Variants in OR2L13 observed in about 807,000 individuals in gnomAD.
OR2L13 encodes olfactory receptor family 2 subfamily L member 13, also known as olfactory receptor 2L13.
In OR2L13, 14 loss-of-function variants were observed where a neutral mutation model predicts 15.3. The ratio of observed to expected loss-of-function variants is 0.91; its 90% CI spans 0.60 to 1.43. The LOEUF (loss-of-function observed/expected upper bound fraction) is 1.43. Among genes scored for constraint, OR2L13 ranks in the 40% most tolerant of loss-of-function variants. The pLI, the probability that OR2L13 is intolerant of heterozygous loss-of-function variation, is 0.00. For synonymous variants in OR2L13, 152 were observed against 142.9 expected (o/e 1.06, Z -0.45); for missense variants, 367 against 387.9 (o/e 0.95, Z 0.45).
chr1:247,961,204 A>G, the OR2L13 span, among the ~76,000 whole-genome samples: 1 of 152,226 alleles, frequency 6.6e-6, no homozygotes, highest in Non-Finnish European at 1.5e-5. Context: ...CACAATGCCC[A>G]ATATGAGCCT....
chr1:248,022,144 C>T, the OR2L13 span: 1 of 1,613,964 alleles, frequency 6.2e-7, no homozygotes, highest in Non-Finnish European at 8.5e-7. Context: ...AGTCAGCTCT[C>T]CCTCATTGAC....
the OR2L13 span, among the ~76,000 whole-genome samples, chr1:248,035,387 T>C: frequency 3.3e-5 from 5 of 151,994 alleles, no homozygotes; most frequent in African/African-American, 9.7e-5. Flanking sequence ...AGGCGGAGCT[T>C]GCAGTGAGCC....
chr1:247,993,694 CAGCTA>C, the OR2L13 span, among the ~76,000 whole-genome samples: 47 of 148,898 alleles, frequency 3.2e-4, no homozygotes, highest in African/African-American at 1.2e-3. Flanking sequence ...CTTGATTCCT[CAGCTA>C]AGCCAACAAA....
At chr1:248,017,231 T>C in the OR2L13 span, among the ~76,000 whole-genome samples, 1 of 152,182 alleles carries the variant, frequency 6.6e-6, no homozygotes, top group Admixed American at 6.5e-5. Flanking sequence ...ATTCTGTGGA[T>C]AAAAAATTAA....
chr1:247,976,167 C>T, the OR2L13 span, among the ~76,000 whole-genome samples: 3 of 151,944 alleles, frequency 2.0e-5, no homozygotes, highest in Admixed American at 6.6e-5. Flanking sequence ...TTTAGAAAAA[C>T]AAGAGTTTCT....
the OR2L13 span, chr1:248,038,760 A>G: frequency 3.1e-6 from 5 of 1,614,056 alleles, no homozygotes; most frequent in Admixed American, 5.0e-5. Context: ...TGCACTCTGT[A>G]TCCCATATTG....
At chr1:247,984,812 C>G in the OR2L13 span, among the ~76,000 whole-genome samples, 1 of 152,014 alleles carries the variant, frequency 6.6e-6, no homozygotes, top group Non-Finnish European at 1.5e-5. Context: ...GTTGTGCAAC[C>G]ATCCCCACCA....
chr1:247,964,653 T>C, the OR2L13 span, among the ~76,000 whole-genome samples: 1,032 of 152,096 alleles, frequency 6.8e-3, 15 homozygotes, highest in African/African-American at 0.023. Flanking sequence ...GTTCATTAAT[T>C]CATTCTACTT....
chr1:248,031,103 C>G, the OR2L13 span, among the ~76,000 whole-genome samples: 1 of 152,116 alleles, frequency 6.6e-6, no homozygotes, highest in African/African-American at 2.4e-5. Context: ...GGACAGAACC[C>G]ACGTGGATTT....
the OR2L13 span, among the ~76,000 whole-genome samples, chr1:248,056,568 G>A: frequency 1.8e-3 from 271 of 151,762 alleles, no homozygotes; most frequent in African/African-American, 6.2e-3. Flanking sequence ...GCTTTCTTTG[G>A]TCTTAAAGAA....
At chr1:248,083,240 T>C in the OR2L13 span, among the ~76,000 whole-genome samples, 1 of 152,164 alleles carries the variant, frequency 6.6e-6, no homozygotes, top group Non-Finnish European at 1.5e-5. Context: ...ACACTCAAAA[T>C]ACGTTATTGA....
chr1:248,022,711 C>T, the OR2L13 span: 1 of 1,614,148 alleles, frequency 6.2e-7, no homozygotes, highest in South Asian at 1.1e-5. Flanking sequence ...GCACCCTTTG[C>T]TTATACCTAT....
At chr1:248,077,205 G>T in the OR2L13 span, among the ~76,000 whole-genome samples, 1 of 152,186 alleles carries the variant, frequency 6.6e-6, no homozygotes, top group African/African-American at 2.4e-5. Flanking sequence ...CTTGATCATG[G>T]TGGATAAGCT....
At chr1:247,970,036 C>T in the OR2L13 span, among the ~76,000 whole-genome samples, 1 of 152,168 alleles carries the variant, frequency 6.6e-6, no homozygotes, top group Non-Finnish European at 1.5e-5. Context: ...ATGTTTTGGT[C>T]ATGTACTACA....
the OR2L13 span, among the ~76,000 whole-genome samples, chr1:248,074,345 C>T: frequency 3.3e-5 from 5 of 150,160 alleles, no homozygotes; most frequent in African/African-American, 7.3e-5. Flanking sequence ...GAGAGTAATA[C>T]GAGCTCTCAA....
the OR2L13 span, chr1:248,084,626 A>T: frequency 6.4e-7 from 1 of 1,561,836 alleles, no homozygotes; most frequent in Non-Finnish European, 8.7e-7. Context: ...GTGCAAATGG[A>T]AAAATAGAGA....
chr1:248,085,537 A>G, the OR2L13 span, among the ~76,000 whole-genome samples: 1 of 150,130 alleles, frequency 6.7e-6, no homozygotes, highest in Admixed American at 6.6e-5. Context: ...TACCACTGCT[A>G]GTATGTGTCA....
the OR2L13 span, among the ~76,000 whole-genome samples, chr1:247,950,141 TA>T: frequency 1.1e-4 from 17 of 151,728 alleles, no homozygotes; most frequent in East Asian, 1.9e-4. Context: ...TTCCAGTAAT[TA>T]AAATTTTTTT....
the OR2L13 span, among the ~76,000 whole-genome samples, chr1:248,088,887 AT>A: frequency 1.1e-3 from 166 of 150,840 alleles, no homozygotes; most frequent in African/African-American, 3.3e-3. Flanking sequence ...AAAATAATGA[AT>A]TTTTTTTTTG....
Sources: allele counts gnomAD v4.1 joint callset (sites outside exome capture counted in the v4.1 genomes callset), GRCh38; gene constraint gnomAD v4.1.1; transcripts MANE v1.5; gene names NCBI Gene and HGNC (gene_info 2026-07-23, HGNC 2026-07-21).